Variants in SAMD9 observed in about 807,000 individuals in gnomAD.
SAMD9 encodes the protein sterile alpha motif domain containing 9.
A neutral mutation model predicts 1.5 loss-of-function variants in SAMD9; 3 were observed. The ratio of observed to expected loss-of-function variants is 2.05; its 90% CI spans 0.93 to 5.29. SAMD9 has a LOEUF of 5.29. Ranked by LOEUF, SAMD9 falls within the 30% of genes most tolerant of loss-of-function variation. SAMD9 has a pLI of 0.02. For missense variants in SAMD9, 1,597 were observed against 1,820.8 expected (o/e 0.88, Z 2.24); for synonymous variants, 635 against 631.9 (o/e 1.00, Z -0.07).
rs757755959 is a variant in SAMD9, at chr7:93,104,954, C to T, written c.1144G>A (p.Ala382Thr). ...TCTCTTTCTTTTTTATTTGTTTTTG[C>T]TCTGAATTTTTCTTCTGCTGCTTTT... ...SRKAAEEKFR[A>T]KTNKKEREGP... is the part of the protein sequence containing the mutation. The change falls in exon 3 of 3, where the codon GCA becomes ACA. Residue 382 changes from alanine (A) to threonine (T), a missense_variant. Around this residue, in one of 6 missense-constraint regions of SAMD9, gnomAD observed 498 missense variants for 457.4 expected, o/e 1.09. Transcript: ENST00000379958. 1.2e-6 allele frequency: 2 copies of T among 1,610,164 alleles called. No homozygotes were observed. The highest frequency in any genetic ancestry group is 1.3e-5 in the African/African-American group (1 of 74,706).
rs1467603098 is a variant in SAMD9 at position 93,105,912 on chromosome 7, T to G, written c.186A>C (p.Gly62=). The part of the protein sequence containing the change: ...EHLVDMGITH[G]PAIQIEELFK... ...ATAGTTCTTCTATTTGAATAGCTGG[T>G]CCATGTGTGATGCCCATATCAACAA... Residue 62 remains glycine (G), a synonymous_variant, in exon 3 of 3, where the codon GGA becomes GGC. Transcript: ENST00000379958. 6.2e-7 allele frequency: 1 copy of G among 1,614,014 alleles called. No homozygotes were observed. The highest frequency in any genetic ancestry group is 8.5e-7 in the Non-Finnish European group (1 of 1,179,976).
Position 93,101,674 on chromosome 7 carries a change from T to C in SAMD9, c.4424A>G (p.Lys1475Arg). Residue 1475 changes from lysine (K) to arginine (R), a missense_variant, in exon 3 of 3, where the codon AAG (lysine) becomes AGG (arginine). Physicochemically the swap from Lys to Arg is conservative, Grantham distance 26. Around this residue, in one of 6 missense-constraint regions of SAMD9, gnomAD observed 682 missense variants for 810.0 expected, o/e 0.84. Transcript: ENST00000379958. ...AAGAAAGAAATATGCAATTGGTTGC[T>C]TTGTACGATGCATATGTTTATATTG... ...KGQYKHMHRT[K>R]QPIAYFFLGK... The C allele has an allele frequency of 6.2e-7, 1 of 1,613,800 alleles. No homozygotes were observed. The highest frequency in any genetic ancestry group is 1.1e-5 in the South Asian group (1 of 91,074).
At chr7:93,109,637 G>A (rs1469740331) in intron 2 of SAMD9, among the ~76,000 whole-genome samples, 3 of 152,144 alleles carry the variant, frequency 2.0e-5, no homozygotes, top group Non-Finnish European at 4.4e-5. Context: ...TGAAAACCAT[G>A]GCACAAGAAC....
At position 93,101,731 on chromosome 7, in the gene SAMD9, T is replaced by C. The variant is rs778776035; in HGVS notation, c.4367A>G (p.Tyr1456Cys). The change falls in exon 3 of 3, where the codon TAT becomes TGT. Residue 1456 changes from tyrosine (Y) to cysteine (C), a missense_variant. Physicochemically the swap from Tyr to Cys is radical, Grantham distance 194 (BLOSUM62 -2). Transcript: ENST00000379958. Reference protein sequence around the residue: ...LDQHSEQMKEYAQALKNSFKG... With the variant: ...LDQHSEQMKECAQALKNSFKG... ...GAAAGAATTTTTTAGTGCTTGAGCA[T>C]ACTCTTTCATTTGTTCAGAATGTTG... The C allele has an allele frequency of 1.2e-6, 2 of 1,613,902 alleles. No homozygotes were observed. Among genetic ancestry groups the C allele is most frequent in the Non-Finnish European group, 1.7e-6 (2 of 1,179,794 alleles).
At position 93,101,837 on chromosome 7, in the gene SAMD9, G is replaced by T; in HGVS notation, c.4261C>A (p.Pro1421Thr). The T allele has an allele frequency of 6.2e-7, 1 of 1,613,822 alleles. No individual in the cohort carries two copies. Among genetic ancestry groups the T allele is most frequent in the East Asian group, 2.2e-5 (1 of 44,868 alleles). The change falls in exon 3 of 3, where the codon CCA becomes ACA. Residue 1421 changes from proline to threonine, a missense_variant. By Grantham distance (38) the Pro-to-Thr change is conservative (BLOSUM62 -1). This residue lies in a region of SAMD9 where 682 missense variants were observed against 810.0 expected (regional missense o/e 0.84). Coordinates refer to ENST00000379958, the MANE Select transcript of SAMD9 (RefSeq NM_017654.4). Reference sequence around the variant, plus strand: ...GAAAACTGATAAGTCAGTCCTATTGGTTGCAAGACTTCTCGAAGCTGATCT... The same window carrying T: ...GAAAACTGATAAGTCAGTCCTATTGTTTGCAAGACTTCTCGAAGCTGATCT... ...LKDQLREVLQ[P>T]IGLTYQFSEP... is the part of the protein sequence containing the mutation.
chr7:93,112,585 G>T (rs1444432067), intron 2 of SAMD9, among the ~76,000 whole-genome samples: 1 of 152,192 alleles, frequency 6.6e-6, no homozygotes, highest in Non-Finnish European at 1.5e-5. Flanking sequence ...ATCTTAAGCT[G>T]ATAAGTAGCT....
Position 93,105,671 on chromosome 7 carries a change from T to C in SAMD9, c.427A>G (p.Ile143Val), listed in dbSNP as rs1454462576. 1.9e-6 allele frequency: 3 copies of C among 1,614,156 alleles called. No homozygotes were observed. The highest frequency in any genetic ancestry group is 1.6e-4 in the Middle Eastern group (1 of 6,062). Residue 143 changes from isoleucine (I) to valine (V), a missense_variant, in exon 3 of 3, where the codon ATA (isoleucine) becomes GTA (valine). By Grantham distance (29) the Ile-to-Val change is conservative. This residue lies in a region of SAMD9 where 498 missense variants were observed against 457.4 expected (regional missense o/e 1.09). Transcript: ENST00000379958. ...TTTGTATAATCTATTTTATCTTCTA[T>C]GAGCTCAACTTTTAGTGACTTAGAA... is the stretch of plus-strand genomic sequence containing the variant. Reference protein sequence around the residue: ...KGSKSLKVELIEDKIDYTKER... With the variant: ...KGSKSLKVELVEDKIDYTKER...
rs769707396 is a variant in SAMD9 at position 93,106,106 on chromosome 7, C to T, written c.-8-1G>A. On this transcript the variant is annotated splice_acceptor_variant, in intron 2 of 2. Transcript: ENST00000379958. LOFTEE classifies it low-confidence loss of function (5UTR_SPLICE). Reference sequence around the variant, plus strand: ...TTAAGTTGCTTTGCCATTCTGATACCTATATGTAGAAAAAGAAAAATTATT... The same window carrying T: ...TTAAGTTGCTTTGCCATTCTGATACTTATATGTAGAAAAAGAAAAATTATT... 3.8e-5 allele frequency: 59 copies of T among 1,553,350 alleles called. No individual in the cohort carries two copies. In the East Asian group the frequency reaches 1.2e-3, roughly 32 times the overall value.
Position 93,105,786 on chromosome 7 carries a change from CT to C in SAMD9, c.311del (p.Lys104ArgfsTer25). The C allele has an allele frequency of 6.2e-7, 1 of 1,614,108 alleles. No homozygotes were observed. The highest frequency in any genetic ancestry group is 8.5e-7 in the Non-Finnish European group (1 of 1,180,016). On this transcript the variant is annotated frameshift_variant, in exon 3 of 3. Coordinates refer to ENST00000379958, the MANE Select transcript of SAMD9 (RefSeq NM_017654.4). LOFTEE classifies it low-confidence loss of function (END_TRUNC). ...NAPKDQTVSQ[K>X]ERRETSKQKQ... ...TTTGCTTTGAAGTTTCTCTACGTTCCTTTTGAGACACAGTTTGGTCTTTAGG... is the reference window on the plus strand; with the variant it reads ...TTTGCTTTGAAGTTTCTCTACGTTCCTTTGAGACACAGTTTGGTCTTTAGG...
intron 2 of SAMD9, among the ~76,000 whole-genome samples, chr7:93,111,314 G>C (rs930549045): frequency 6.6e-6 from 1 of 152,182 alleles, no homozygotes; most frequent in Non-Finnish European, 1.5e-5. Flanking sequence ...GCAGTGTGTC[G>C]AGGGAAATTT....
In SAMD9 at chr7:93,100,656, G is replaced by GA. The variant is rs1562773192; in HGVS notation, c.*671_*672insT. 2 of 149,460 alleles carry GA rather than the reference G, an allele frequency of 1.3e-5. No individual in the cohort carries two copies. Among genetic ancestry groups the GA allele is most frequent in the East Asian group, 1.9e-4 (1 of 5,132 alleles). The allele number at this position is 149,460 out of a possible 1,614,324, so 9.3% of individuals were successfully genotyped here. A position where few individuals can be genotyped will look rare whatever the true frequency, so the allele number is the denominator to read the frequency against. On this transcript the variant is annotated 3_prime_UTR_variant, in exon 3 of 3. Transcript: ENST00000379958. ...GCTTGTGGAATTTGAGTGTCTGTAT[G>GA]TTTTTTTTTTAATTGTTTGTTTGGA...
Position 93,104,108 on chromosome 7 carries a change from G to C in SAMD9, c.1990C>G (p.Leu664Val). 1 of 1,613,852 alleles carries C rather than the reference G, an allele frequency of 6.2e-7. No individual in the cohort carries two copies. Among genetic ancestry groups the C allele is most frequent in the Non-Finnish European group, 8.5e-7 (1 of 1,179,832 alleles). Residue 664 changes from leucine (L) to valine (V), a missense_variant, in exon 3 of 3, where the codon CTG becomes GTG. Around this residue, in one of 6 missense-constraint regions of SAMD9, gnomAD observed 358 missense variants for 460.4 expected, o/e 0.78. Transcript: ENST00000379958. ...IICENECEGT[L>V]LEKDKNKFLE... Reference sequence around the variant, plus strand: ...AATTTATTTTTGTCCTTCTCTAACAGTGTACCCTCACATTCATTTTCACAG... The same window carrying C: ...AATTTATTTTTGTCCTTCTCTAACACTGTACCCTCACATTCATTTTCACAG...
chr7:93,112,614 T>G (rs113740118), intron 2 of SAMD9, among the ~76,000 whole-genome samples: 1 of 152,112 alleles, frequency 6.6e-6, no homozygotes, highest in Non-Finnish European at 1.5e-5. Context: ...GTCTCAGGAT[T>G]CAAAATCAAT....
In SAMD9 at chr7:93,102,859, G is replaced by C. The variant is rs1791558719; in HGVS notation, c.3239C>G (p.Pro1080Arg). The C allele has an allele frequency of 6.2e-7, 1 of 1,613,780 alleles. No homozygotes were observed. The highest frequency in any genetic ancestry group is 2.2e-5 in the East Asian group (1 of 44,874). Reference sequence around the variant, plus strand: ...CAACGCTTGGCAAATGAATGCATTTGGGTTGAACCGATGGATACTTTCAAG... The same window carrying C: ...CAACGCTTGGCAAATGAATGCATTTCGGTTGAACCGATGGATACTTTCAAG... ...VLLESIHRFN[P>R]NAFICQALAR... is the part of the protein sequence containing the mutation. The change falls in exon 3 of 3, where the codon CCA (proline) becomes CGA (arginine). Residue 1080 changes from proline (P) to arginine (R), a missense_variant. This residue lies in a region of SAMD9 where 682 missense variants were observed against 810.0 expected (regional missense o/e 0.84). Transcript: ENST00000379958.
In SAMD9 at chr7:93,102,394, C is replaced by A. The variant is rs1037288683; in HGVS notation, c.3704G>T (p.Ser1235Ile). ...KRYMVNFVSG[S>I]SDIPGDPNNE... ...GTTTGGATCCCCTGGAATATCACTA[C>A]TTCCTGATACAAAATTGACCATATA... The change falls in exon 3 of 3, where the codon AGT (serine) becomes ATT (isoleucine). Residue 1235 changes from serine to isoleucine, a missense_variant. Coordinates refer to ENST00000379958, the MANE Select transcript of SAMD9 (RefSeq NM_017654.4). The A allele has an allele frequency of 1.4e-5, 22 of 1,609,962 alleles. No homozygotes were observed. The highest frequency in any genetic ancestry group is 1.7e-6 in the Non-Finnish European group (2 of 1,176,540).
chr7:93,100,310 G>T lies in SAMD9; in HGVS notation c.*1018C>A, dbSNP rs997237846. On this transcript the variant is annotated 3_prime_UTR_variant, in exon 3 of 3. Transcript: ENST00000379958. Reference sequence around the variant, plus strand: ...AATTATTTGGCAAGACCATGTCACGGGTGATGTGTGCACTCCTATAGTACT... The same window carrying T: ...AATTATTTGGCAAGACCATGTCACGTGTGATGTGTGCACTCCTATAGTACT... 1 of 151,988 alleles carries T rather than the reference G, an allele frequency of 6.6e-6. No individual in the cohort carries two copies. The highest frequency in any genetic ancestry group is 1.5e-5 in the Non-Finnish European group (1 of 67,970). 9.4% of individuals were successfully genotyped at this position (151,988 alleles called of 1,614,324 possible).
intron 2 of SAMD9, among the ~76,000 whole-genome samples, chr7:93,113,274 C>T (rs1408048398): frequency 6.6e-6 from 1 of 152,140 alleles, no homozygotes; most frequent in Non-Finnish European, 1.5e-5. Flanking sequence ...AAACTGGATC[C>T]CTTCCTTACA....
At chr7:93,107,218 T>C (rs542902001) in intron 2 of SAMD9, among the ~76,000 whole-genome samples, 1 of 152,230 alleles carries the variant, frequency 6.6e-6, no homozygotes, top group South Asian at 2.1e-4. Flanking sequence ...GTTGTGTTAT[T>C]TTAATTGATT....
Position 93,103,446 on chromosome 7 carries a change from G to A in SAMD9, c.2652C>T (p.Ser884=), listed in dbSNP as rs1249532743. 2 of 1,612,864 alleles carry A rather than the reference G, an allele frequency of 1.2e-6. No homozygotes were observed. Among genetic ancestry groups the A allele is most frequent in the African/African-American group, 2.7e-5 (2 of 74,872 alleles). Residue 884 remains serine (S), a synonymous_variant, in exon 3 of 3, where the codon TCC becomes TCT. Transcript: ENST00000379958. ...TAAAATTGGTTTTCATGATCATAAA[G>A]GAATAAAAATCCTCAAAGTTTTTAT... ...EQHKNFEDFY[S]FMIMKTNFNK... is the part of the protein sequence containing the mutation.
Sources: gnomAD v4.1 joint callset for allele counts (sites outside exome capture counted in the v4.1 genomes callset) on GRCh38, gnomAD v4.1.1 for gene constraint, gnomAD v4.1.1 regional missense constraint, MANE v1.5 for transcripts, NCBI Gene and HGNC (gene_info 2026-07-23, HGNC 2026-07-21) for gene names.